Variants in TGM4 observed in about 807,000 individuals in gnomAD.
TGM4 encodes the protein protein-glutamine gamma-glutamyltransferase 4.
TGM4 carries 61 observed loss-of-function variants against 76.3 expected under a neutral mutation model. The ratio of observed to expected loss-of-function variants is 0.80; its 90% CI spans 0.65 to 0.99. TGM4 has a LOEUF of 0.99. Among genes scored for constraint, TGM4 ranks in the 50% least tolerant of loss-of-function variants. The probability of loss-of-function intolerance (pLI) is 0.00; values close to 1 mark genes in which losing one functional copy is unlikely to be tolerated. For missense variants in TGM4, 794 were observed against 843.2 expected (o/e 0.94, Z 0.72); for synonymous variants, 337 against 329.8 (o/e 1.02, Z -0.24).
intron 1 of TGM4, among the ~76,000 whole-genome samples, chr3:44,878,154 A>G (rs1361411179): frequency 6.6e-6 from 1 of 152,044 alleles, no homozygotes; most frequent in Non-Finnish European, 1.5e-5. Context: ...CTGTCTCAAA[A>G]AAAGAAAAAA....
chr3:44,879,209 T>C (rs1289309073), intron 1 of TGM4, among the ~76,000 whole-genome samples: 1 of 149,508 alleles, frequency 6.7e-6, no homozygotes, highest in Non-Finnish European at 1.5e-5. Context: ...CTTAGGTCCC[T>C]AGCCATTTTT....
intron 1 of TGM4, among the ~76,000 whole-genome samples, chr3:44,881,112 G>A (rs756648956): frequency 7.9e-5 from 12 of 152,120 alleles, no homozygotes; most frequent in Non-Finnish European, 1.2e-4. Context: ...GCTGAAGTGG[G>A]AGGATCCCTT....
At position 44,888,044 on chromosome 3, in the gene TGM4, A is replaced by G. The variant is rs539099608; in HGVS notation, c.300+249A>G. 1.2e-5 allele frequency: 6 copies of G among 502,580 alleles called. No individual in the cohort carries two copies. In the Admixed American group the frequency reaches 1.4e-4, roughly 12 times the overall value. The allele number at this position is 502,580 out of a possible 1,614,324, so 31.1% of individuals were successfully genotyped here. ...TCCCCTTTCCATTTCAAAGGGAACA[A>G]TGTTCACTGGAGGACATGAGCGGAG... On this transcript the variant is annotated intron_variant, in intron 3 of 13. Coordinates refer to ENST00000296125, the MANE Select transcript of TGM4 (RefSeq NM_003241.4).
chr3:44,902,117 G>T (rs1699863362), intron 8 of TGM4, among the ~76,000 whole-genome samples, 186 bp downstream of exon 8: 2 of 152,120 alleles, frequency 1.3e-5, no homozygotes, highest in South Asian at 4.1e-4. Context: ...GGCATCCCAG[G>T]AGTTTTTTAG....
intron 9 of TGM4, among the ~76,000 whole-genome samples, chr3:44,906,666 C>G (rs1312571563): frequency 6.6e-6 from 1 of 152,186 alleles, no homozygotes; most frequent in Non-Finnish European, 1.5e-5. Flanking sequence ...GATTGTGTGT[C>G]TCTGTGCTCT....
intron 6 of TGM4, 52 bp downstream of exon 6, chr3:44,896,868 G>A (rs1410905470): frequency 6.6e-7 from 1 of 1,512,172 alleles, no homozygotes; most frequent in Admixed American, 1.7e-5. Flanking sequence ...CAATTGCTCA[G>A]CCTTTTTCTG....
intron 1 of TGM4, among the ~76,000 whole-genome samples, chr3:44,882,942 A>G (rs1699553271): frequency 6.6e-6 from 1 of 152,186 alleles, no homozygotes. Flanking sequence ...CAGGGAGATA[A>G]GGTCTTAAGA....
chr3:44,885,047 C>G (rs929780300), intron 1 of TGM4, among the ~76,000 whole-genome samples: 1 of 152,240 alleles, frequency 6.6e-6, no homozygotes, highest in African/African-American at 2.4e-5. Flanking sequence ...TGGGCGTGCA[C>G]TTACCTATTT....
chr3:44,908,036 G>C (rs988000854), intron 10 of TGM4, among the ~76,000 whole-genome samples: 5 of 152,152 alleles, frequency 3.3e-5, no homozygotes, highest in Admixed American at 1.3e-4. Context: ...ATGCAGCTGG[G>C]GCTTTTCCCA....
At chr3:44,889,736 G>A (rs370430411) in intron 3 of TGM4, among the ~76,000 whole-genome samples, 8 of 152,268 alleles carry the variant, frequency 5.3e-5, no homozygotes, top group Admixed American at 6.5e-5. Context: ...AGGCCTGGAC[G>A]CCCTTGGACC....
chr3:44,890,267 CA>C, intron 3 of TGM4: 1 of 218,148 alleles, frequency 4.6e-6, no homozygotes, highest in East Asian at 1.0e-4. Flanking sequence ...TTATCCACAG[CA>C]TCTTCCCAAC....
At chr3:44,900,597 T>A (rs1699839698) in intron 6 of TGM4, among the ~76,000 whole-genome samples, 1 of 152,328 alleles carries the variant, frequency 6.6e-6, no homozygotes, top group East Asian at 1.9e-4. Flanking sequence ...GTAACTGTGC[T>A]TTTCACAAGG....
chr3:44,894,465 T>C lies in TGM4; in HGVS notation c.549+770T>C, dbSNP rs143250820. ...CAAGCACTGTTACAAGGAAGCACTG[T>C]TACAAGGAAGCACTGTTACAATTAG... On this transcript the variant is annotated intron_variant, in intron 5 of 13. Coordinates refer to ENST00000296125, the MANE Select transcript of TGM4 (RefSeq NM_003241.4). Among the ~76,000 whole-genome samples the C allele has an allele frequency of 7.8e-3, 1,052 of 135,426 alleles. 22 individuals are homozygous for C. The highest frequency in any genetic ancestry group is 0.029 in the African/African-American group (999 of 34,958). The allele number at this position is 135,426 out of a possible 152,430, so 88.8% of individuals were successfully genotyped here. A position where few individuals can be genotyped will look rare whatever the true frequency, so the allele number is the denominator to read the frequency against.
At chr3:44,908,777 CTT>C (rs1166330854) in intron 10 of TGM4, among the ~76,000 whole-genome samples, 1 of 151,772 alleles carries the variant, frequency 6.6e-6, no homozygotes, top group Non-Finnish European at 1.5e-5. Flanking sequence ...AATTTAAAGT[CTT>C]TGTCTAGTAG....
At chr3:44,913,202 G>A (rs1700029155) in intron 13 of TGM4, among the ~76,000 whole-genome samples, 1 of 152,126 alleles carries the variant, frequency 6.6e-6, no homozygotes. Flanking sequence ...GAGTAGTGAG[G>A]GGCTAGCCAA....
intron 6 of TGM4, among the ~76,000 whole-genome samples, chr3:44,898,229 C>T (rs1334259213): frequency 6.7e-6 from 1 of 148,720 alleles, no homozygotes; most frequent in East Asian, 2.0e-4. Context: ...TGCAGTGAGC[C>T]AAGATCGCAC....
chr3:44,897,622 T>C (rs1474273057), intron 6 of TGM4, among the ~76,000 whole-genome samples: 3 of 152,162 alleles, frequency 2.0e-5, no homozygotes, highest in South Asian at 4.1e-4. Flanking sequence ...TCTCAAATAT[T>C]TTGGTTTCAA....
chr3:44,874,803 C>T, intron 1 of TGM4, 106 bp downstream of exon 1: 1 of 1,399,756 alleles, frequency 7.1e-7, no homozygotes, highest in Admixed American at 1.9e-5. Context: ...CCCTCTCACC[C>T]TGACTTGTGG....
chr3:44,895,419 G>T (rs1343430999), intron 5 of TGM4, among the ~76,000 whole-genome samples: 1 of 152,196 alleles, frequency 6.6e-6, no homozygotes, highest in Admixed American at 6.5e-5. Flanking sequence ...TTGAGGCCAG[G>T]AGTTCAAGGC....
Sources: gnomAD v4.1 joint callset for allele counts (sites outside exome capture counted in the v4.1 genomes callset) on GRCh38, gnomAD v4.1.1 for gene constraint, MANE v1.5 for transcripts, NCBI Gene and HGNC (gene_info 2026-07-23, HGNC 2026-07-21) for gene names.